CCDC91: variants seen among roughly 807,000 people sequenced by gnomAD.
The protein encoded by CCDC91 is coiled-coil domain-containing protein 91.
In CCDC91, 48 loss-of-function variants were observed where a neutral mutation model predicts 63.2. That is an observed-to-expected ratio of 0.76 (90% CI 0.60 to 0.97). CCDC91 has a LOEUF of 0.97. Ranked by LOEUF, CCDC91 falls within the 50% of genes least tolerant of loss-of-function variation. CCDC91 has a pLI of 0.00. For synonymous variants in CCDC91, 167 were observed against 165.8 expected, an observed-to-expected ratio of 1.01 and a Z score of -0.06; for missense variants, 500 against 494.6, an observed-to-expected ratio of 1.01 and a Z score of -0.10.
At chr12:28,446,225 A>C (rs1458060977) in intron 8 of CCDC91, among the ~76,000 whole-genome samples, 2 of 152,196 alleles carry the variant, frequency 1.3e-5, no homozygotes, top group African/African-American at 4.8e-5. Flanking sequence ...TCAAGAGAAA[A>C]TGTTCATAGA....
In CCDC91 at chr12:28,488,372, A is replaced by G. The variant is rs145527464; in HGVS notation, c.1215+4207A>G. On this transcript the variant is annotated intron_variant, in intron 12 of 12. Transcript: ENST00000536442. The stretch of plus-strand genomic sequence containing the variant: ...TCAGATACATAGTACTTGTAATATT[A>G]GTCCGAGTCATAATCATAACCAAAA... Among the ~76,000 whole-genome samples, 714 of 151,986 alleles carry G rather than the reference A, an allele frequency of 4.7e-3. 17 individuals are homozygous for G. The South Asian group carries it at 0.081, about 17-fold the overall frequency.
chr12:28,421,789 T>G (rs4930822), intron 8 of CCDC91, among the ~76,000 whole-genome samples: 61,629 of 151,822 alleles, frequency 0.41, 12,776 homozygotes, highest in Middle Eastern at 0.48. Flanking sequence ...CACAAGCCTG[T>G]GAGCCTGTTC....
At chr12:28,337,059 T>G (rs1244690753) in intron 6 of CCDC91, among the ~76,000 whole-genome samples, 2 of 152,126 alleles carry the variant, frequency 1.3e-5, no homozygotes, top group South Asian at 2.1e-4. Context: ...TTGGTTCAAG[T>G]TACTAAGCGT....
chr12:28,312,877 C>T (rs73083951), intron 6 of CCDC91, among the ~76,000 whole-genome samples: 1,849 of 152,126 alleles, frequency 0.012, 11 homozygotes, highest in Middle Eastern at 0.017. Context: ...TTTCACTTTC[C>T]GTCATGATTG....
At chr12:28,324,490 C>T (rs1039458218) in intron 6 of CCDC91, among the ~76,000 whole-genome samples, 1 of 151,856 alleles carries the variant, frequency 6.6e-6, no homozygotes, top group Non-Finnish European at 1.5e-5. Flanking sequence ...AGGGAGCAAT[C>T]ACCTTTCACT....
At chr12:28,446,782 T>G (rs1201399906) in intron 8 of CCDC91, among the ~76,000 whole-genome samples, 4 of 152,172 alleles carry the variant, frequency 2.6e-5, no homozygotes, top group Non-Finnish European at 5.9e-5. Flanking sequence ...ACTATAATTC[T>G]GATTTATAAG....
intron 7 of CCDC91, among the ~76,000 whole-genome samples, chr12:28,378,011 C>T (rs1945053683): frequency 6.6e-6 from 1 of 151,988 alleles, no homozygotes; most frequent in Non-Finnish European, 1.5e-5. Context: ...ATATTTTTCT[C>T]TTCCTCTTAT....
intron 11 of CCDC91, among the ~76,000 whole-genome samples, chr12:28,456,302 G>A (rs1457359474): frequency 6.6e-5 from 10 of 152,098 alleles, no homozygotes; most frequent in Admixed American, 2.0e-4. Context: ...AAATCATGCC[G>A]TGTGGTGCTG....
intron 11 of CCDC91, among the ~76,000 whole-genome samples, chr12:28,469,569 A>G (rs888696519): frequency 2.6e-5 from 4 of 152,156 alleles, no homozygotes; most frequent in African/African-American, 9.6e-5. Flanking sequence ...CATTCTTCAC[A>G]GAAATAGAAA....
At chr12:28,338,663 TA>T (rs879914771) in intron 6 of CCDC91, among the ~76,000 whole-genome samples, 44 of 147,332 alleles carry the variant, frequency 3.0e-4, no homozygotes, top group Non-Finnish European at 3.3e-4. Context: ...TGTCATGAAT[TA>T]AAAAAAAAAA....
chr12:28,220,288 A>G lies in CCDC91; in HGVS notation c.-15+29647A>G, dbSNP rs114519188. ...GCTAATTAATTAATTAATTAATTAA[A>G]TGCTGTAATGTCTACAATATACATC... On this transcript the variant is annotated intron_variant, in intron 1 of 12. Coordinates refer to ENST00000536442, the MANE Select transcript of CCDC91 (RefSeq NM_018318.5). 5.3e-3 allele frequency among the ~76,000 whole-genome samples: 810 copies of G among 152,164 alleles called. 11 individuals are homozygous for G. The highest frequency in any genetic ancestry group is 0.017 in the African/African-American group (698 of 41,522).
intron 1 of CCDC91, among the ~76,000 whole-genome samples, chr12:28,202,340 T>A (rs1273597212): frequency 6.6e-6 from 1 of 152,222 alleles, no homozygotes; most frequent in African/African-American, 2.4e-5. Context: ...TGTCTCACAA[T>A]TTTTTGTTGA....
intron 8 of CCDC91, among the ~76,000 whole-genome samples, chr12:28,425,337 C>T (rs765051580): frequency 3.9e-5 from 6 of 152,042 alleles, no homozygotes; most frequent in Non-Finnish European, 8.8e-5. Flanking sequence ...AGGGGAAAAC[C>T]TTAGAGACAC....
chr12:28,367,254 TG>T, intron 7 of CCDC91, among the ~76,000 whole-genome samples: 1 of 152,224 alleles, frequency 6.6e-6, no homozygotes, highest in Non-Finnish European at 1.5e-5. Flanking sequence ...TTGAAACCAA[TG>T]TGAAAACAGA....
At chr12:28,330,463 G>GTT (rs768513988) in intron 6 of CCDC91, among the ~76,000 whole-genome samples, 4 of 143,710 alleles carry the variant, frequency 2.8e-5, no homozygotes, top group Admixed American at 7.0e-5. Context: ...TGATGGGGTT[G>GTT]TTTTTTTTTT....
At chr12:28,260,373 A>T (rs766968684) in intron 3 of CCDC91, among the ~76,000 whole-genome samples, 10 of 151,930 alleles carry the variant, frequency 6.6e-5, no homozygotes, top group Non-Finnish European at 1.3e-4. Flanking sequence ...ATGAGGAAAG[A>T]TTTTGAAGGG....
intron 8 of CCDC91, among the ~76,000 whole-genome samples, chr12:28,446,325 C>A (rs892977521): frequency 1.3e-5 from 2 of 152,094 alleles, no homozygotes; most frequent in African/African-American, 4.8e-5. Context: ...ACAGAATTTC[C>A]TTTCAGCATT....
chr12:28,538,834 G>C (rs574473400), intron 12 of CCDC91, among the ~76,000 whole-genome samples: 13 of 152,270 alleles, frequency 8.5e-5, no homozygotes, highest in African/African-American at 3.1e-4. Context: ...TTGTGGTTTT[G>C]ATTTGCATTT....
intron 6 of CCDC91, among the ~76,000 whole-genome samples, chr12:28,333,904 A>T (rs1357831165): frequency 6.6e-6 from 1 of 152,130 alleles, no homozygotes; most frequent in African/African-American, 2.4e-5. Flanking sequence ...TCTGTTGAAG[A>T]TCTTTTTGTT....
Sources: allele counts gnomAD v4.1 joint callset (sites outside exome capture counted in the v4.1 genomes callset), GRCh38; gene constraint gnomAD v4.1.1; transcripts MANE v1.5; gene names NCBI Gene and HGNC (gene_info 2026-07-23, HGNC 2026-07-21).